The following RAD54B variants were observed in gnomAD, a reference collection of about 807,000 sequenced individuals.
RAD54B encodes the protein DNA repair and recombination protein RAD54B.
Under a neutral mutation model 95.8 loss-of-function variants are expected in RAD54B, and 78 were observed. The observed-to-expected ratio is 0.81, with a 90% confidence interval of 0.68 to 0.98. The LOEUF (loss-of-function observed/expected upper bound fraction) is 0.98, where lower values mean the gene tolerates loss of function less well. Among genes scored for constraint, RAD54B ranks in the 50% least tolerant of loss-of-function variants. The pLI, the probability that RAD54B is intolerant of heterozygous loss-of-function variation, is 0.00. For synonymous variants in RAD54B, 328 were observed against 354.9 expected, an observed-to-expected ratio of 0.92 and a Z score of 0.85; for missense variants, 957 against 1,056.6, an observed-to-expected ratio of 0.91 and a Z score of 1.31.
intron 11 of RAD54B, among the ~76,000 whole-genome samples, chr8:94,381,957 C>CA (rs1182119153): frequency 6.6e-6 from 1 of 151,836 alleles, no homozygotes; most frequent in African/African-American, 2.4e-5. Context: ...ACTAAAAATA[C>CA]AAAAAAATTA....
chr8:94,400,248 G>A lies in RAD54B; in HGVS notation c.1160C>T (p.Thr387Ile), dbSNP rs200604082. The part of the protein sequence containing the change: ...WLGSERIKIF[T>I]VDQDHKVEEF... ...TTTTAAGTTTCTTACCTGATCAACA[G>A]TAAATATCTTGATCCTTTCACTTCC... The change falls in exon 7 of 15, where the codon ACT becomes ATT. Residue 387 changes from threonine to isoleucine, a missense_variant. Physicochemically the swap from Thr to Ile is moderately conservative, Grantham distance 89. Transcript: ENST00000336148. 1.7e-5 allele frequency: 28 copies of A among 1,610,978 alleles called. No individual in the cohort carries two copies. In the East Asian group the frequency reaches 3.1e-4, roughly 18 times the overall value.
chr8:94,425,965 G>A (rs781168189), intron 3 of RAD54B, among the ~76,000 whole-genome samples: 20 of 152,088 alleles, frequency 1.3e-4, no homozygotes, highest in Non-Finnish European at 2.2e-4. Context: ...GTTTTGTTTC[G>A]TTTTTGGGAC....
intron 3 of RAD54B, chr8:94,430,493 C>G: frequency 2.1e-6 from 2 of 949,336 alleles, no homozygotes; most frequent in Non-Finnish European, 1.3e-6. Context: ...TAGCATGCAT[C>G]AGAATCGCTA....
At chr8:94,401,499 T>C (rs1351386910) in intron 6 of RAD54B, among the ~76,000 whole-genome samples, 3 of 152,196 alleles carry the variant, frequency 2.0e-5, no homozygotes, top group Admixed American at 2.0e-4. Context: ...ATATAATACA[T>C]ATATGAAATT....
At chr8:94,463,962 T>C (rs1373581445) in intron 2 of RAD54B, among the ~76,000 whole-genome samples, 1 of 150,770 alleles carries the variant, frequency 6.6e-6, no homozygotes, top group African/African-American at 2.4e-5. Context: ...ACACAAAAAT[T>C]TGTACACAAA....
chr8:94,403,604 G>T (rs1156740331), intron 6 of RAD54B, among the ~76,000 whole-genome samples: 1 of 151,718 alleles, frequency 6.6e-6, no homozygotes, highest in Non-Finnish European at 1.5e-5. Flanking sequence ...TTGAACTTGG[G>T]AGATGGAGAT....
At position 94,407,471 on chromosome 8, in the gene RAD54B, T is replaced by C. The variant is rs752510024; in HGVS notation, c.749A>G (p.Asn250Ser). 1.2e-6 allele frequency: 2 copies of C among 1,613,568 alleles called. No individual in the cohort carries two copies. The highest frequency in any genetic ancestry group is 4.5e-5 in the East Asian group (2 of 44,884). ...ATATGGGTCATGGCGTGGTTTGCAATTTTGGAAATCATTCTGTCTATTTTC... is the reference window on the plus strand; with the variant it reads ...ATATGGGTCATGGCGTGGTTTGCAACTTTGGAAATCATTCTGTCTATTTTC... ...SKENRQNDFQ[N>S]CKPRHDPYTP... Residue 250 changes from asparagine (N) to serine (S), a missense_variant, in exon 5 of 15, where the codon AAT becomes AGT. Transcript: ENST00000336148.
intron 2 of RAD54B, among the ~76,000 whole-genome samples, chr8:94,459,581 C>T (rs879275573): frequency 1.3e-5 from 2 of 151,906 alleles, no homozygotes; most frequent in Admixed American, 1.3e-4. Flanking sequence ...AACAAGAGGC[C>T]GGGCGCAGTG....
intron 3 of RAD54B, among the ~76,000 whole-genome samples, chr8:94,451,856 C>T (rs1812661798): frequency 6.7e-6 from 1 of 149,412 alleles, no homozygotes; most frequent in African/African-American, 2.5e-5. Flanking sequence ...ATATCCTGGT[C>T]CAGCAGGAAA....
At chr8:94,378,127 A>G in intron 14 of RAD54B, 53 bp downstream of exon 14, 1 of 1,305,852 alleles carries the variant, frequency 7.7e-7, no homozygotes, top group Non-Finnish European at 1.0e-6. Context: ...TCAACTGCTA[A>G]CAAGAAATAA....
At chr8:94,435,147 A>G (rs1812221501) in intron 3 of RAD54B, among the ~76,000 whole-genome samples, 1 of 152,042 alleles carries the variant, frequency 6.6e-6, no homozygotes, top group South Asian at 2.1e-4. Flanking sequence ...CATAAGTAGC[A>G]CAGTATAAAA....
intron 3 of RAD54B, among the ~76,000 whole-genome samples, chr8:94,446,729 G>GT (rs1171239373): frequency 6.6e-6 from 1 of 152,118 alleles, no homozygotes; most frequent in African/African-American, 2.4e-5. Flanking sequence ...CTACAAGGAT[G>GT]TTGTGTGGCG....
intron 3 of RAD54B, among the ~76,000 whole-genome samples, chr8:94,450,489 A>T (rs371578876): frequency 1.3e-5 from 2 of 152,236 alleles, no homozygotes; most frequent in East Asian, 3.8e-4. Flanking sequence ...CCTTTTTATG[A>T]TGGGGCTAAA....
chr8:94,375,861 A>G (rs1336751512), intron 14 of RAD54B, among the ~76,000 whole-genome samples: 2 of 152,156 alleles, frequency 1.3e-5, no homozygotes, highest in Non-Finnish European at 2.9e-5. Context: ...CAAAAAAACT[A>G]ATAGTGGTGG....
At chr8:94,397,088 C>A (rs1811165829) in intron 8 of RAD54B, among the ~76,000 whole-genome samples, 1 of 152,106 alleles carries the variant, frequency 6.6e-6, no homozygotes, top group Non-Finnish European at 1.5e-5. Flanking sequence ...GACTAATACC[C>A]CTCTATCAAT....
chr8:94,379,997 AG>A, intron 12 of RAD54B, 147 bp downstream of exon 12: 1 of 815,860 alleles, frequency 1.2e-6, no homozygotes, highest in Non-Finnish European at 1.9e-6. Context: ...AGGATTAAAC[AG>A]ATGGAAAGCA....
In RAD54B at chr8:94,399,415, A is replaced by G. The variant is rs1811214475; in HGVS notation, c.1377T>C (p.Thr459=). The G allele has an allele frequency of 6.2e-7, 1 of 1,612,122 alleles. No individual in the cohort carries two copies. The highest frequency in any genetic ancestry group is 8.5e-7 in the Non-Finnish European group (1 of 1,178,592). The part of the protein sequence containing the change: ...SLSCEKRIIL[T]GTPIQNDLQE... ...ATCTTCCCCAAACTGAATACTGACC[A>G]GTTAGAATTATTCTTTTCTCACAAG... Residue 459 remains threonine, a splice_region_variant and synonymous_variant, in exon 8 of 15, where the codon ACT becomes ACC. Coordinates refer to ENST00000336148, the MANE Select transcript of RAD54B (RefSeq NM_012415.3).
At chr8:94,454,129 A>C (rs565525697) in intron 3 of RAD54B, among the ~76,000 whole-genome samples, 1 of 150,758 alleles carries the variant, frequency 6.6e-6, no homozygotes, top group African/African-American at 2.5e-5. Context: ...TGAGTTTTTT[A>C]CCATGTGCGT....
chr8:94,440,054 A>C (rs1159566580), intron 3 of RAD54B, among the ~76,000 whole-genome samples: 1 of 152,194 alleles, frequency 6.6e-6, no homozygotes, highest in Non-Finnish European at 1.5e-5. Context: ...TTTTGGGGTA[A>C]AATATTTTTA....
Sources: gnomAD v4.1 joint callset for allele counts (sites outside exome capture counted in the v4.1 genomes callset) on GRCh38, gnomAD v4.1.1 for gene constraint, MANE v1.5 for transcripts, NCBI Gene and HGNC (gene_info 2026-07-23, HGNC 2026-07-21) for gene names.